ABR: variants seen among roughly 807,000 people sequenced by gnomAD.
ABR encodes ABR activator of RhoGEF and GTPase, also known as active breakpoint cluster region-related protein.
Under a neutral mutation model 107.2 loss-of-function variants are expected in ABR, and 35 were observed. That is an observed-to-expected ratio of 0.33 (90% CI 0.25 to 0.43). The LOEUF is 0.43. ABR is among the 20% of genes least tolerant of loss of function. The pLI is 1.00. For synonymous variants in ABR, 498 were observed against 462.0 expected (o/e 1.08, Z -1.00); for missense variants, 815 against 1,115.2 (o/e 0.73, Z 3.83).
chr17:1,122,061 C>T (rs1648071012), intron 2 of ABR, among the ~76,000 whole-genome samples: 1 of 152,186 alleles, frequency 6.6e-6, no homozygotes, highest in Non-Finnish European at 1.5e-5. Flanking sequence ...TGCCACCACG[C>T]CCGGCTAATT....
At chr17:1,069,561 AC>A (rs1483636798) in intron 9 of ABR, among the ~76,000 whole-genome samples, 1 of 152,196 alleles carries the variant, frequency 6.6e-6, no homozygotes, top group African/African-American at 2.4e-5. Context: ...AATCCCAGCT[AC>A]TCAGGAGGCT....
chr17:1,038,142 C>T (rs1003562290), intron 16 of ABR, among the ~76,000 whole-genome samples: 6 of 152,084 alleles, frequency 3.9e-5, no homozygotes, highest in Non-Finnish European at 5.9e-5. Context: ...TTGGGGCTCA[C>T]GTCCCTCCCC....
chr17:1,122,060 G>A (rs971595509), intron 2 of ABR, among the ~76,000 whole-genome samples: 8 of 152,054 alleles, frequency 5.3e-5, no homozygotes, highest in Admixed American at 1.3e-4. Flanking sequence ...GTGCCACCAC[G>A]CCCGGCTAAT....
intron 1 of ABR, among the ~76,000 whole-genome samples, chr17:1,133,243 GA>G (rs35915671): frequency 0.017 from 2,383 of 138,326 alleles, 68 homozygotes; most frequent in African/African-American, 0.06. Context: ...ACTCCGTCTC[GA>G]AAAAAAAAAA....
At chr17:1,161,910 C>T (rs548745857) in intron 1 of ABR, among the ~76,000 whole-genome samples, 29 of 152,222 alleles carry the variant, frequency 1.9e-4, no homozygotes, top group Admixed American at 4.6e-4. Flanking sequence ...CTCTCCCACC[C>T]GCTACACCAC....
intron 16 of ABR, among the ~76,000 whole-genome samples, chr17:1,013,600 A>C (rs977524193): frequency 6.6e-6 from 1 of 152,212 alleles, no homozygotes; most frequent in African/African-American, 2.4e-5. Flanking sequence ...TCAGGAGGGA[A>C]CCAGCCCATC....
chr17:1,041,020 C>T (rs375739428), intron 16 of ABR, among the ~76,000 whole-genome samples: 1 of 152,130 alleles, frequency 6.6e-6, no homozygotes, highest in African/African-American at 2.4e-5. Flanking sequence ...TCCTGGTTCA[C>T]ACCATTCTCC....
chr17:1,062,850 G>C (rs1470395608), intron 10 of ABR, among the ~76,000 whole-genome samples: 3 of 143,992 alleles, frequency 2.1e-5, no homozygotes, highest in African/African-American at 5.0e-5. Flanking sequence ...TGTGAACTGA[G>C]GGCTATGCAT....
intron 16 of ABR, among the ~76,000 whole-genome samples, chr17:1,038,063 C>A (rs944412892): frequency 6.6e-6 from 1 of 152,220 alleles, no homozygotes; most frequent in Non-Finnish European, 1.5e-5. Flanking sequence ...AGAGAGCAGG[C>A]GCCCTGGCTG....
At position 1,173,291 on chromosome 17, in the gene ABR, ACATCACCTCAGTCCACCCCCCC is replaced by A. The variant is rs2041807341; in HGVS notation, c.61+6354_61+6375del. 2.6e-3 allele frequency among the ~76,000 whole-genome samples: 185 copies of A among 70,984 alleles called. 3 individuals carry two copies. The highest frequency in any genetic ancestry group is 5.8e-3 in the African/African-American group (150 of 25,644). 46.6% of individuals were successfully genotyped at this position (70,984 alleles called of 152,430 possible). A position where few individuals can be genotyped will look rare whatever the true frequency, so the allele number is the denominator to read the frequency against. On this transcript the variant is annotated intron_variant, in intron 1 of 22. Transcript: ENST00000302538. ...AACACATCACCTCAGCCCACCCAAC[ACATCACCTCAGTCCACCCCCCC>A]CATCACCTCAGCCCACCCAACACAT...
At chr17:1,173,311 C>CGA (rs2041810637) in intron 1 of ABR, among the ~76,000 whole-genome samples, 1 of 25,688 alleles carries the variant, frequency 3.9e-5, no homozygotes. Flanking sequence ...AGTCCACCCC[C>CGA]CCCATCACCT....
intron 1 of ABR, among the ~76,000 whole-genome samples, chr17:1,167,871 C>T (rs1189174545): frequency 6.6e-6 from 1 of 152,156 alleles, no homozygotes; most frequent in South Asian, 2.1e-4. Context: ...AACACGATAT[C>T]GGCCGGGCGG....
At chr17:1,090,827 C>A (rs78721767) in intron 4 of ABR, among the ~76,000 whole-genome samples, 5 of 152,206 alleles carry the variant, frequency 3.3e-5, no homozygotes, top group African/African-American at 1.2e-4. Flanking sequence ...AGAAGAACCG[C>A]GGCCTGGACT....
chr17:1,061,844 G>A (rs1425415308), intron 10 of ABR, among the ~76,000 whole-genome samples: 5 of 152,194 alleles, frequency 3.3e-5, no homozygotes, highest in Non-Finnish European at 7.3e-5. Context: ...ACCATGCTGG[G>A]CCCTAACCAC....
At chr17:1,013,003 C>T (rs1327901955) in intron 17 of ABR, 102 bp downstream of exon 17, 33 of 1,428,348 alleles carry the variant, frequency 2.3e-5, no homozygotes, top group Non-Finnish European at 3.1e-5. Flanking sequence ...GTCGAGGCGG[C>T]ACAGCGGCCC....
In ABR at chr17:1,078,878, G is replaced by T. The variant is rs546253676; in HGVS notation, c.700+452C>A. ...TCTCCATGGCAGCCTCTGTCCCCGC[G>T]GCGGGAGCGTGCAGCCATCGCTCCA... On this transcript the variant is annotated intron_variant, in intron 6 of 22. Coordinates refer to ENST00000302538, the MANE Select transcript of ABR (RefSeq NM_021962.5). The surrounding 1 kb of genome is among the most constrained non-coding windows in gnomAD (Gnocchi z 7.5). 4,571 of 1,535,496 alleles carry T rather than the reference G, an allele frequency of 3.0e-3. 7 individuals carry two copies. Among genetic ancestry groups the T allele is most frequent in the Middle Eastern group, 3.5e-3 (21 of 5,990 alleles).
chr17:1,173,054 C>T (rs1187153739), intron 1 of ABR, among the ~76,000 whole-genome samples: 1 of 121,498 alleles, frequency 8.2e-6, no homozygotes, highest in Non-Finnish European at 1.9e-5. Context: ...CACATCACCT[C>T]AGTCCACCCA....
Position 1,011,702 on chromosome 17 carries a change from A to G in ABR, c.2101+144T>C. On this transcript the variant is annotated intron_variant, in intron 19 of 22. Transcript: ENST00000302538. The surrounding 1 kb of genome is among the most constrained non-coding windows in gnomAD (Gnocchi z 4.8). ...AGAGATTGGAGGGGAGGGGATTACA[A>G]GAGAAAGCACTTGCCACGGGGACTC... The G allele has an allele frequency of 9.5e-7, 1 of 1,048,542 alleles. No individual in the cohort carries two copies. Among genetic ancestry groups the G allele is most frequent in the Non-Finnish European group, 1.3e-6 (1 of 762,988 alleles). The allele number at this position is 1,048,542 out of a possible 1,614,324, so 65.0% of individuals were successfully genotyped here. A position where few individuals can be genotyped will look rare whatever the true frequency, so the allele number is the denominator to read the frequency against.
chr17:1,024,428 C>T (rs897108078), intron 16 of ABR, among the ~76,000 whole-genome samples: 4 of 152,192 alleles, frequency 2.6e-5, no homozygotes, highest in African/African-American at 7.2e-5. Flanking sequence ...CTGAACGTCG[C>T]CCCTCGGCTA....
Sources: allele counts gnomAD v4.1 joint callset (sites outside exome capture counted in the v4.1 genomes callset), GRCh38; gene constraint gnomAD v4.1.1; non-coding constraint Gnocchi (gnomAD v3.1); transcripts MANE v1.5; gene names NCBI Gene and HGNC (gene_info 2026-07-23, HGNC 2026-07-21).